ZNF638: variants seen among roughly 807,000 people sequenced by gnomAD.
ZNF638 encodes zinc finger protein 638.
A neutral mutation model predicts 195.6 loss-of-function variants in ZNF638; 46 were observed. The ratio of observed to expected loss-of-function variants is 0.24; its 90% CI spans 0.19 to 0.30. The LOEUF (loss-of-function observed/expected upper bound fraction) is 0.30. Ranked by LOEUF, ZNF638 falls within the 10% of genes least tolerant of loss-of-function variation. The probability of loss-of-function intolerance (pLI) is 1.00; values close to 1 mark genes in which losing one functional copy is unlikely to be tolerated. For synonymous variants in ZNF638, 845 were observed against 772.0 expected, an observed-to-expected ratio of 1.09 and a Z score of -1.57; for missense variants, 2,440 against 2,325.3, an observed-to-expected ratio of 1.05 and a Z score of -1.01.
At chr2:71,359,440 T>A (rs1277507042) in intron 3 of ZNF638, among the ~76,000 whole-genome samples, 2 of 152,176 alleles carry the variant, frequency 1.3e-5, no homozygotes, top group African/African-American at 2.4e-5. Flanking sequence ...TTCCACCTTC[T>A]TCCATCTATT....
intron 6 of ZNF638, among the ~76,000 whole-genome samples, chr2:71,368,131 C>G (rs2079238710): frequency 6.6e-6 from 1 of 151,974 alleles, no homozygotes; most frequent in Non-Finnish European, 1.5e-5. Flanking sequence ...CACCTGTAAA[C>G]CATTTCTGGG....
chr2:71,406,266 A>G lies in ZNF638; in HGVS notation c.3135+4A>G. On this transcript the variant is annotated splice_donor_region_variant and intron_variant, in intron 19 of 27. Coordinates refer to ENST00000264447, the MANE Select transcript of ZNF638 (RefSeq NM_014497.5). Reference sequence around the variant, plus strand: ...ATTCATAAGTAATAGAAACAAGGTAACAAGTTCCCTCATAATTTAGCTATT... The same window carrying G: ...ATTCATAAGTAATAGAAACAAGGTAGCAAGTTCCCTCATAATTTAGCTATT... 3 of 1,609,608 alleles carry G rather than the reference A, an allele frequency of 1.9e-6. No individual in the cohort carries two copies. The highest frequency in any genetic ancestry group is 2.6e-6 in the Non-Finnish European group (3 of 1,176,024).
intron 1 of ZNF638, among the ~76,000 whole-genome samples, chr2:71,343,612 T>G (rs2542497): frequency 0.099 from 15,077 of 152,174 alleles, 805 homozygotes; most frequent in Non-Finnish European, 0.12. Flanking sequence ...TTAAATGGAA[T>G]AGAAGAGAGA....
At chr2:71,366,967 A>G (rs1212860943) in intron 6 of ZNF638, among the ~76,000 whole-genome samples, 5 of 152,198 alleles carry the variant, frequency 3.3e-5, no homozygotes, top group Admixed American at 3.3e-4. Context: ...TTTAATATTA[A>G]TAAGTCTTCA....
At chr2:71,355,485 A>G (rs1314669642) in intron 2 of ZNF638, among the ~76,000 whole-genome samples, 2 of 152,154 alleles carry the variant, frequency 1.3e-5, no homozygotes, top group Non-Finnish European at 2.9e-5. Flanking sequence ...GATTTTGAAA[A>G]TGTTTTCTGT....
At chr2:71,346,992 C>T (rs2078860810) in intron 1 of ZNF638, among the ~76,000 whole-genome samples, 2 of 151,748 alleles carry the variant, frequency 1.3e-5, no homozygotes, top group African/African-American at 4.8e-5. Context: ...CCATTGGACT[C>T]CAGCCTGAGT....
At chr2:71,340,762 G>GT (rs1465960685) in intron 1 of ZNF638, among the ~76,000 whole-genome samples, 11 of 152,126 alleles carry the variant, frequency 7.2e-5, no homozygotes, top group African/African-American at 2.6e-4. Context: ...TACACTTAAT[G>GT]TATCTGGTAT....
At position 71,349,847 on chromosome 2, in the gene ZNF638, T is replaced by C. The variant is rs1232493826; in HGVS notation, c.893T>C (p.Ile298Thr). The change falls in exon 2 of 28, where the codon ATT becomes ACT. Residue 298 changes from isoleucine to threonine, a missense_variant. Physicochemically the swap from Ile to Thr is moderately conservative, Grantham distance 89 (BLOSUM62 -1). Around this residue, in one of 5 missense-constraint regions of ZNF638, gnomAD observed 305 missense variants for 283.6 expected, o/e 1.08. Transcript: ENST00000264447. ...GGAACCAAGATGTCAGGCTTACACA[T>C]TTCAGGAGGACAGTCAGTCCTTGAA... The part of the protein sequence containing the change: ...ESGTKMSGLH[I>T]SGGQSVLEPI... 1 of 1,614,100 alleles carries C rather than the reference T, an allele frequency of 6.2e-7. No individual in the cohort carries two copies. The highest frequency in any genetic ancestry group is 1.3e-5 in the African/African-American group (1 of 74,940).
intron 1 of ZNF638, among the ~76,000 whole-genome samples, chr2:71,344,095 A>G (rs1042253794): frequency 3.3e-5 from 5 of 152,198 alleles, no homozygotes; most frequent in African/African-American, 1.2e-4. Flanking sequence ...ACGCCACTGC[A>G]CTCCAGCTTG....
chr2:71,357,498 G>C lies in ZNF638; in HGVS notation c.1379+1718G>C, dbSNP rs368767647. On this transcript the variant is annotated intron_variant, in intron 3 of 27. Coordinates refer to ENST00000264447, the MANE Select transcript of ZNF638 (RefSeq NM_014497.5). ...ATCTCTCCTAAGCAACATTTTCCCA[G>C]AGGTACCCAGTGGGATGTCTTAATT... Among the ~76,000 whole-genome samples, 8 of 152,310 alleles carry C rather than the reference G, an allele frequency of 5.3e-5. No individual in the cohort carries two copies. The South Asian group carries it at 1.2e-3, about 24-fold the overall frequency.
intron 10 of ZNF638, among the ~76,000 whole-genome samples, chr2:71,384,610 T>A (rs546522456): frequency 6.6e-6 from 1 of 152,298 alleles, no homozygotes; most frequent in East Asian, 1.9e-4. Flanking sequence ...AGTTAAGACT[T>A]CTTTTGGGGA....
intron 23 of ZNF638, 27 bp downstream of exon 23, chr2:71,424,742 C>T (rs2152604135): frequency 6.4e-7 from 1 of 1,565,556 alleles, no homozygotes; most frequent in Non-Finnish European, 8.8e-7. Context: ...AGACCCTAAC[C>T]CTTCTTTTTC....
chr2:71,374,387 A>T (rs1286602232), intron 8 of ZNF638, among the ~76,000 whole-genome samples: 2 of 152,168 alleles, frequency 1.3e-5, no homozygotes, highest in Admixed American at 1.3e-4. Context: ...CTGTTACAAC[A>T]ATTACTATAG....
chr2:71,424,659 G>T lies in ZNF638; in HGVS notation c.4534G>T (p.Glu1512Ter). ...RDDSNNKTLA[E>*]QNTKNPKSTT... ...TTATTTACTATTTCAGACTTTGGCTGAGCAAAACACTAAGAATCCTAAAAG... is the reference window on the plus strand; with the variant it reads ...TTATTTACTATTTCAGACTTTGGCTTAGCAAAACACTAAGAATCCTAAAAG... The change falls in exon 23 of 28, where the codon GAG becomes TAG. Residue 1512 changes from glutamate to a stop codon, truncating the protein, a stop_gained. Coordinates refer to ENST00000264447, the MANE Select transcript of ZNF638 (RefSeq NM_014497.5). LOFTEE classifies it high-confidence loss of function. 6.2e-7 allele frequency: 1 copy of T among 1,612,042 alleles called. No homozygotes were observed. Among genetic ancestry groups the T allele is most frequent in the South Asian group, 1.1e-5 (1 of 90,674 alleles).
intron 10 of ZNF638, chr2:71,393,255 T>C: frequency 6.7e-6 from 4 of 599,982 alleles, no homozygotes; most frequent in Non-Finnish European, 1.2e-5. Flanking sequence ...CAATCAACTA[T>C]AGAAAAGCAC....
rs1277227236 is a variant in ZNF638 at position 71,403,983 on chromosome 2, G to T, written c.2943G>T (p.Met981Ile). The stretch of plus-strand genomic sequence containing the variant: ...CAATAAGTATGGCTCCTGAAAACAT[G>T]AATATAAAAGATGAGGTAAATCAGA... ...QLSISMAPEN[M>I]NIKDEEAIFI... The change falls in exon 17 of 28, where the codon ATG becomes ATT. Residue 981 changes from methionine to isoleucine, a missense_variant. Coordinates refer to ENST00000264447, the MANE Select transcript of ZNF638 (RefSeq NM_014497.5). The T allele has an allele frequency of 6.2e-7, 1 of 1,609,596 alleles. No homozygotes were observed. Among genetic ancestry groups the T allele is most frequent in the Non-Finnish European group, 8.5e-7 (1 of 1,178,260 alleles).
intron 23 of ZNF638, 89 bp downstream of exon 23, chr2:71,424,804 GT>G: frequency 9.3e-7 from 1 of 1,074,362 alleles, no homozygotes; most frequent in Non-Finnish European, 1.4e-6. Context: ...CCTTAACAAT[GT>G]TAGTGACTAA....
intron 1 of ZNF638, among the ~76,000 whole-genome samples, chr2:71,336,082 T>C (rs2078661585): frequency 6.6e-6 from 1 of 152,166 alleles, no homozygotes; most frequent in African/African-American, 2.4e-5. Context: ...AAAAATGTAC[T>C]TGATAAGGCC....
At chr2:71,409,201 C>G (rs1348056552) in intron 20 of ZNF638, among the ~76,000 whole-genome samples, 1 of 152,116 alleles carries the variant, frequency 6.6e-6, no homozygotes, top group African/African-American at 2.4e-5. Flanking sequence ...TTCCTAAGTG[C>G]TTACCCAGAA....
Sources: gnomAD v4.1 joint callset for allele counts (sites outside exome capture counted in the v4.1 genomes callset) on GRCh38, gnomAD v4.1.1 for gene constraint, gnomAD v4.1.1 regional missense constraint, MANE v1.5 for transcripts, NCBI Gene and HGNC (gene_info 2026-07-23, HGNC 2026-07-21) for gene names.